Variants in SEMA6A observed in about 807,000 individuals in gnomAD.
SEMA6A encodes semaphorin 6A.
In SEMA6A, 25 loss-of-function variants were observed where a neutral mutation model predicts 96.8. That is an observed-to-expected ratio of 0.26 (90% confidence interval 0.19 to 0.36). The LOEUF (loss-of-function observed/expected upper bound fraction) is 0.36, where lower values mean the gene tolerates loss of function less well. Among genes scored for constraint, SEMA6A ranks in the 10% least tolerant of loss-of-function variants. SEMA6A has a pLI of 1.00. For missense variants in SEMA6A, 1,363 were observed against 1,323.1 expected (o/e 1.03, Z -0.47); for synonymous variants, 612 against 518.0 (o/e 1.18, Z -2.46).
At chr5:116,475,192 T>C (rs535703288) in intron 16 of SEMA6A, among the ~76,000 whole-genome samples, 1 of 152,192 alleles carries the variant, frequency 6.6e-6, no homozygotes, top group Non-Finnish European at 1.5e-5. Flanking sequence ...TTATTATTAT[T>C]TGGCGGAAAA....
chr5:116,469,307 T>G (rs1407404304), intron 17 of SEMA6A: 2 of 152,224 alleles, frequency 1.3e-5, no homozygotes, highest in South Asian at 2.1e-4. Flanking sequence ...TTCTAGACTT[T>G]TTGTTTTTAC....
At chr5:116,531,899 T>G (rs1276182591) in intron 1 of SEMA6A, among the ~76,000 whole-genome samples, 1 of 152,108 alleles carries the variant, frequency 6.6e-6, no homozygotes, top group Non-Finnish European at 1.5e-5. Context: ...ACCCTGCCAC[T>G]CTGGCTCATA....
At chr5:116,454,820 G>A (rs779305080) in intron 18 of SEMA6A, among the ~76,000 whole-genome samples, 9 of 151,924 alleles carry the variant, frequency 5.9e-5, no homozygotes, top group African/African-American at 1.5e-4. Flanking sequence ...GCATGTGTGT[G>A]TGCGCGTGTG....
At chr5:116,468,896 G>A (rs1755932316) in intron 17 of SEMA6A, 1 of 151,760 alleles carries the variant, frequency 6.6e-6, no homozygotes, top group Non-Finnish European at 1.5e-5. Flanking sequence ...CCATGCACAT[G>A]ATAAATAAAA....
rs199863415 is a variant in SEMA6A, at chr5:116,512,242, G to A, written c.-38-7260C>T. ...ATTGATCCTGTTTGAAACCTTTATT[G>A]TACCCAGTTTGCAGGAACCACGAGG... On this transcript the variant is annotated intron_variant, in intron 1 of 18. Coordinates refer to ENST00000343348, the MANE Select transcript of SEMA6A (RefSeq NM_020796.5). 5.3e-5 allele frequency among the ~76,000 whole-genome samples: 8 copies of A among 152,108 alleles called. No individual in the cohort carries two copies. The East Asian group carries it at 1.2e-3, about 22-fold the overall frequency.
At chr5:116,494,595 G>A (rs1240069619) in intron 6 of SEMA6A, among the ~76,000 whole-genome samples, 17 of 152,144 alleles carry the variant, frequency 1.1e-4, no homozygotes, top group Admixed American at 9.2e-4. Context: ...ATAATCCATT[G>A]CATGATGTCA....
At chr5:116,485,271 TA>T (rs1210179210) in intron 10 of SEMA6A, among the ~76,000 whole-genome samples, 1 of 152,066 alleles carries the variant, frequency 6.6e-6, no homozygotes, top group Admixed American at 6.5e-5. Context: ...CCCACACCCT[TA>T]AAAAACAAGA....
At chr5:116,516,429 C>A (rs1183127211) in intron 1 of SEMA6A, among the ~76,000 whole-genome samples, 1 of 151,964 alleles carries the variant, frequency 6.6e-6, no homozygotes. Flanking sequence ...TCTCAGTGAG[C>A]TCAGTGAAAA....
chr5:116,572,974 C>G (rs1348972039), intron 1 of SEMA6A, among the ~76,000 whole-genome samples: 1 of 152,182 alleles, frequency 6.6e-6, no homozygotes, highest in Non-Finnish European at 1.5e-5. Context: ...CAGCGGAATT[C>G]TGTTTCCTTT....
rs1418491730 is a variant in SEMA6A at position 116,446,287 on chromosome 5, G to T, written c.*326C>A. 1.3e-5 allele frequency: 3 copies of T among 239,826 alleles called. No individual in the cohort carries two copies. Among genetic ancestry groups the T allele is most frequent in the South Asian group, 1.3e-4 (1 of 7,542 alleles). The allele number at this position is 239,826 out of a possible 1,614,324, so 14.9% of individuals were successfully genotyped here. ...GCATGTGTGTGTGTGTGTGTGTGTG[G>T]GGGTGGGGGATGGGGTAGGTATGTG... On this transcript the variant is annotated 3_prime_UTR_variant, in exon 19 of 19. Transcript: ENST00000343348.
At chr5:116,544,424 G>A (rs1760101861) in intron 1 of SEMA6A, among the ~76,000 whole-genome samples, 1 of 152,024 alleles carries the variant, frequency 6.6e-6, no homozygotes, top group Non-Finnish European at 1.5e-5. Context: ...CCGAGTAGCT[G>A]AGATGACAGG....
intron 3 of SEMA6A, chr5:116,498,517 G>T (rs766468697): frequency 6.0e-5 from 9 of 149,578 alleles, no homozygotes; most frequent in Non-Finnish European, 1.3e-4. Flanking sequence ...AAACGAGCGG[G>T]AAGGGCAGTT....
chr5:116,477,002 A>G (rs1013338846), intron 15 of SEMA6A, among the ~76,000 whole-genome samples: 17 of 152,204 alleles, frequency 1.1e-4, no homozygotes, highest in African/African-American at 3.4e-4. Flanking sequence ...CTGAAATAGG[A>G]AGGGAGGCTC....
intron 18 of SEMA6A, among the ~76,000 whole-genome samples, chr5:116,455,345 T>C (rs979822835): frequency 6.6e-6 from 1 of 152,228 alleles, no homozygotes; most frequent in African/African-American, 2.4e-5. Context: ...TTAGAACTGT[T>C]ACTGTCCCCG....
intron 1 of SEMA6A, among the ~76,000 whole-genome samples, chr5:116,505,459 GCACA>G (rs35083865): frequency 2.2e-4 from 28 of 127,830 alleles, no homozygotes; most frequent in African/African-American, 8.4e-4. Context: ...ACACGCACGC[GCACA>G]CACACACACA....
At chr5:116,554,210 T>G (rs1760521557) in intron 1 of SEMA6A, among the ~76,000 whole-genome samples, 1 of 152,176 alleles carries the variant, frequency 6.6e-6, no homozygotes, top group African/African-American at 2.4e-5. Context: ...CCAATAGTAT[T>G]AATAATAAGC....
At position 116,467,661 on chromosome 5, in the gene SEMA6A, A is replaced by G. The variant is rs758257625; in HGVS notation, c.1816T>C (p.Trp606Arg). Residue 606 changes from tryptophan (W) to arginine (R), a missense_variant, in exon 18 of 19, where the codon TGG becomes CGG. Trp to Arg is a moderately radical substitution (Grantham distance 101). Transcript: ENST00000343348. Reference sequence around the variant, plus strand: ...TCAGGTGAGTCAAGCAGATGCTTCCAGTCCAGCATTCCTCCCCTAGACTCA... The same window carrying G: ...TCAGGTGAGTCAAGCAGATGCTTCCGGTCCAGCATTCCTCCCCTAGACTCA... Reference protein sequence around the residue: ...GYESRGGMLDWKHLLDSPDST... With the variant: ...GYESRGGMLDRKHLLDSPDST... 1.2e-4 allele frequency: 189 copies of G among 1,613,622 alleles called. No homozygotes were observed. Among genetic ancestry groups the G allele is most frequent in the Non-Finnish European group, 1.6e-4 (185 of 1,179,828 alleles).
chr5:116,464,402 C>T (rs940587302), intron 18 of SEMA6A, among the ~76,000 whole-genome samples: 1 of 152,130 alleles, frequency 6.6e-6, no homozygotes, highest in Non-Finnish European at 1.5e-5. Context: ...GCAGCAAGGA[C>T]AAGAGACATT....
chr5:116,505,947 G>A (rs538681040), intron 1 of SEMA6A, among the ~76,000 whole-genome samples: 1 of 151,242 alleles, frequency 6.6e-6, no homozygotes, highest in African/African-American at 2.4e-5. Context: ...AATAAGCATT[G>A]CTCTATCATG....
Sources: allele counts gnomAD v4.1 joint callset (sites outside exome capture counted in the v4.1 genomes callset), GRCh38; gene constraint gnomAD v4.1.1; transcripts MANE v1.5; gene names NCBI Gene and HGNC (gene_info 2026-07-23, HGNC 2026-07-21).